Variants in ARHGAP12 observed in about 807,000 individuals in gnomAD.
ARHGAP12 encodes the protein rho GTPase-activating protein 12.
In ARHGAP12, 64 loss-of-function variants were observed where a neutral mutation model predicts 108.6. The ratio of observed to expected loss-of-function variants is 0.59; its 90% confidence interval spans 0.48 to 0.73. The LOEUF (loss-of-function observed/expected upper bound fraction) is 0.73, where lower values mean the gene tolerates loss of function less well. Among genes scored for constraint, ARHGAP12 ranks in the 30% least tolerant of loss-of-function variants. The pLI is 0.00. For synonymous variants in ARHGAP12, 312 were observed against 337.2 expected (o/e 0.93, Z 0.82); for missense variants, 940 against 1,005.9 (o/e 0.93, Z 0.89).
intron 7 of ARHGAP12, among the ~76,000 whole-genome samples, chr10:31,842,680 T>C (rs981703685): frequency 2.0e-5 from 3 of 152,104 alleles, no homozygotes; most frequent in Admixed American, 6.5e-5. Flanking sequence ...GCCATAGGGA[T>C]AGTTAATTCT....
At chr10:31,808,545 A>G in intron 19 of ARHGAP12, 104 bp downstream of exon 19, 4 of 919,622 alleles carry the variant, frequency 4.3e-6, no homozygotes, top group East Asian at 5.0e-5. Flanking sequence ...GACAGCAAGT[A>G]GCATAGCTGG....
intron 6 of ARHGAP12, among the ~76,000 whole-genome samples, chr10:31,848,742 C>T (rs1454415988): frequency 6.6e-6 from 1 of 152,080 alleles, no homozygotes; most frequent in Non-Finnish European, 1.5e-5. Flanking sequence ...TTCTGATCAT[C>T]CACAGCATAA....
At chr10:31,823,775 C>T (rs1835500353) in intron 11 of ARHGAP12, among the ~76,000 whole-genome samples, 1 of 152,190 alleles carries the variant, frequency 6.6e-6, no homozygotes, top group Non-Finnish European at 1.5e-5. Context: ...TGCTAGAGAT[C>T]AGCTTCTGTA....
intron 1 of ARHGAP12, chr10:31,913,027 T>C (rs538943726): frequency 6.6e-6 from 1 of 152,358 alleles, no homozygotes; most frequent in Admixed American, 6.5e-5. Context: ...CTCAGTTTGA[T>C]ATAATGCCAT....
At chr10:31,872,125 T>C (rs1024900490) in intron 3 of ARHGAP12, among the ~76,000 whole-genome samples, 2 of 152,206 alleles carry the variant, frequency 1.3e-5, no homozygotes, top group African/African-American at 2.4e-5. Context: ...GAGCCTAGTA[T>C]AGCACTTGCA....
intron 3 of ARHGAP12, among the ~76,000 whole-genome samples, chr10:31,894,012 A>G (rs1015061174): frequency 2.6e-5 from 4 of 152,218 alleles, no homozygotes; most frequent in Non-Finnish European, 4.4e-5. Flanking sequence ...GATTATCTCA[A>G]CAGATGCAGA....
intron 19 of ARHGAP12, among the ~76,000 whole-genome samples, chr10:31,808,111 G>GA (rs1305583393): frequency 6.6e-6 from 1 of 151,924 alleles, no homozygotes; most frequent in Admixed American, 6.6e-5. Context: ...ATTTAAGTAT[G>GA]AGTTACAATT....
rs1376117367 is a variant in ARHGAP12 at position 31,821,881 on chromosome 10, C to A, written c.1531-1393G>T. ...ATTAAACATAAAGCTATATGTTGGG[C>A]ATAACTTTCTGAGCAGAAATGATGT... On this transcript the variant is annotated intron_variant, in intron 11 of 19. Transcript: ENST00000344936. Among the ~76,000 whole-genome samples the A allele has an allele frequency of 3.9e-5, 6 of 152,214 alleles. No individual in the cohort carries two copies. The East Asian group carries it at 1.2e-3, about 29-fold the overall frequency.
At chr10:31,844,893 T>C (rs1012905969) in intron 6 of ARHGAP12, among the ~76,000 whole-genome samples, 1 of 152,086 alleles carries the variant, frequency 6.6e-6, no homozygotes, top group Non-Finnish European at 1.5e-5. Flanking sequence ...TGTTTGCAAA[T>C]ATAAATTTTA....
chr10:31,921,790 A>AAAAAAAG (rs1839826428), intron 1 of ARHGAP12, among the ~76,000 whole-genome samples: 1 of 144,046 alleles, frequency 6.9e-6, no homozygotes, highest in African/African-American at 2.6e-5. Flanking sequence ...AAAAAAAAAA[A>AAAAAAAG]GTTTGTAGAA....
At chr10:31,825,682 A>G (rs962123750) in intron 11 of ARHGAP12, among the ~76,000 whole-genome samples, 7 of 152,202 alleles carry the variant, frequency 4.6e-5, no homozygotes, top group Admixed American at 4.6e-4. Flanking sequence ...CACTGACAAC[A>G]TATGTGGGAT....
intron 9 of ARHGAP12, among the ~76,000 whole-genome samples, chr10:31,832,450 T>C (rs1337289375): frequency 2.0e-5 from 3 of 152,202 alleles, no homozygotes; most frequent in Non-Finnish European, 4.4e-5. Context: ...TCAAACCCTA[T>C]GAAGGCAGAA....
chr10:31,812,277 A>AG (rs1352429092), intron 15 of ARHGAP12, among the ~76,000 whole-genome samples: 1 of 152,210 alleles, frequency 6.6e-6, no homozygotes, highest in Non-Finnish European at 1.5e-5. Context: ...TAAATTAGTT[A>AG]GAAAAAAACA....
intron 10 of ARHGAP12, among the ~76,000 whole-genome samples, chr10:31,829,909 G>A (rs1188487155): frequency 6.6e-6 from 1 of 152,052 alleles, no homozygotes. Context: ...TTGTGAAAAG[G>A]ATTTTTTTCA....
Position 31,807,529 on chromosome 10 carries a change from T to C in ARHGAP12, c.*129A>G. On this transcript the variant is annotated 3_prime_UTR_variant, in exon 20 of 20. Coordinates refer to ENST00000344936, the MANE Select transcript of ARHGAP12 (RefSeq NM_018287.7). ...ACATCTCGACTCTCCCCTTCCCTTC[T>C]GATCCCTCAAAAAAAAAGTGCAAAA... 1 of 816,820 alleles carries C rather than the reference T, an allele frequency of 1.2e-6. No homozygotes were observed. Among genetic ancestry groups the C allele is most frequent in the Admixed American group, 3.6e-5 (1 of 28,032 alleles). 50.6% of individuals were successfully genotyped at this position (816,820 alleles called of 1,614,324 possible). A position where few individuals can be genotyped will look rare whatever the true frequency, so the allele number is the denominator to read the frequency against.
At chr10:31,914,236 T>C (rs1352122839) in intron 1 of ARHGAP12, among the ~76,000 whole-genome samples, 2 of 152,222 alleles carry the variant, frequency 1.3e-5, no homozygotes, top group African/African-American at 4.8e-5. Context: ...CCAAAAGTCC[T>C]TGCCCAGACT....
chr10:31,908,996 C>G, intron 2 of ARHGAP12, 70 bp from the exon 3 acceptor site: 1 of 823,096 alleles, frequency 1.2e-6, no homozygotes, highest in Non-Finnish European at 1.9e-6. Flanking sequence ...TATTTACTCA[C>G]AAGCATCATA....
In ARHGAP12 at chr10:31,928,699, TCGCAGCAGGCGGCTCCCTTC is replaced by T. The variant is rs1840179438; in HGVS notation, c.-147_-128del. The T allele has an allele frequency of 1.3e-5, 2 of 151,550 alleles. No individual in the cohort carries two copies. The highest frequency in any genetic ancestry group is 2.9e-5 in the Non-Finnish European group (2 of 67,928). 9.4% of individuals were successfully genotyped at this position (151,550 alleles called of 1,614,324 possible). A position where few individuals can be genotyped will look rare whatever the true frequency, so the allele number is the denominator to read the frequency against. On this transcript the variant is annotated 5_prime_UTR_variant, in exon 1 of 20. Coordinates refer to ENST00000344936, the MANE Select transcript of ARHGAP12 (RefSeq NM_018287.7). Reference sequence around the variant, plus strand: ...GCACCTCACCGGGAGCCCGGCGGCCTCGCAGCAGGCGGCTCCCTTCTTAGTCCGCCCCGCGGCTGCGGGTC... The same window carrying T: ...GCACCTCACCGGGAGCCCGGCGGCCTTTAGTCCGCCCCGCGGCTGCGGGTC...
intron 3 of ARHGAP12, among the ~76,000 whole-genome samples, chr10:31,892,913 G>A (rs913639937): frequency 3.3e-5 from 5 of 152,292 alleles, no homozygotes; most frequent in Admixed American, 6.5e-5. Flanking sequence ...TCAGACCACA[G>A]TGCAATCAAA....
Sources: gnomAD v4.1 joint callset for allele counts (sites outside exome capture counted in the v4.1 genomes callset) on GRCh38, gnomAD v4.1.1 for gene constraint, MANE v1.5 for transcripts, NCBI Gene and HGNC (gene_info 2026-07-23, HGNC 2026-07-21) for gene names.